The following NRXN3 variants were observed in gnomAD, a reference collection of about 807,000 sequenced individuals.
NRXN3 encodes neurexin 3.
NRXN3 carries 32 observed loss-of-function variants against 137.6 expected under a neutral mutation model. The ratio of observed to expected loss-of-function variants is 0.23; its 90% CI spans 0.18 to 0.31. The LOEUF is 0.31. NRXN3 is among the 10% of genes least tolerant of loss of function. NRXN3 has a pLI of 1.00. For synonymous variants in NRXN3, 798 were observed against 784.5 expected (o/e 1.02, Z -0.29); for missense variants, 1,574 against 2,062.5 (o/e 0.76, Z 4.59).
At chr14:78,656,819 G>A (rs868223351) in intron 6 of NRXN3, among the ~76,000 whole-genome samples, 5 of 152,148 alleles carry the variant, frequency 3.3e-5, no homozygotes, top group Non-Finnish European at 5.9e-5. Context: ...CAAGGTGGGC[G>A]GATCACGAGG....
At chr14:79,758,372 G>C (rs762758252) in intron 19 of NRXN3, among the ~76,000 whole-genome samples, 20 of 152,278 alleles carry the variant, frequency 1.3e-4, no homozygotes, top group Middle Eastern at 6.8e-3. Flanking sequence ...GAAGGGGAAG[G>C]AGAGCTATGT....
intron 15 of NRXN3, among the ~76,000 whole-genome samples, chr14:79,373,787 G>T (rs1300582954): frequency 6.6e-6 from 1 of 152,062 alleles, no homozygotes; most frequent in Non-Finnish European, 1.5e-5. Flanking sequence ...TATTTTTGGT[G>T]GTAGTGGTTT....
chr14:79,770,107 C>T lies in NRXN3; in HGVS notation c.4015-35005C>T, dbSNP rs545465040. On this transcript the variant is annotated intron_variant, in intron 19 of 20. Coordinates refer to ENST00000335750, the MANE Select transcript of NRXN3 (RefSeq NM_001330195.2). ...AATATATATGCACCCAATACAGGAG[C>T]ACCCAGATTCATAAAGCAAGTCCTG... Among the ~76,000 whole-genome samples, 173 of 151,524 alleles carry T rather than the reference C, an allele frequency of 1.1e-3. 1 individual carries two copies. The highest frequency in any genetic ancestry group is 3.4e-3 in the African/African-American group (142 of 41,380).
intron 4 of NRXN3, among the ~76,000 whole-genome samples, chr14:78,329,911 T>C (rs1272347383): frequency 6.6e-6 from 1 of 152,162 alleles, no homozygotes; most frequent in African/African-American, 2.4e-5. Context: ...GAAGGAACAC[T>C]GATAGTGATT....
In NRXN3 at chr14:78,730,967, T is replaced by C. The variant is rs891525308; in HGVS notation, c.2044+15828T>C. On this transcript the variant is annotated intron_variant, in intron 8 of 20. Coordinates refer to ENST00000335750, the MANE Select transcript of NRXN3 (RefSeq NM_001330195.2). ...ATGAGGCTGAGCAGAATTATTTCTT[T>C]GTAAATTTTCTTTTTCCCCTTTCTT... is the stretch of plus-strand genomic sequence containing the variant. Among the ~76,000 whole-genome samples the C allele has an allele frequency of 2.4e-4, 36 of 152,230 alleles. 1 individual carries two copies. The highest frequency in any genetic ancestry group is 2.4e-3 in the Admixed American group (36 of 15,280).
rs375251511 is a variant in NRXN3 at position 79,133,691 on chromosome 14, C to T, written c.3262+145550C>T. Among the ~76,000 whole-genome samples, 108 of 151,998 alleles carry T rather than the reference C, an allele frequency of 7.1e-4. No individual in the cohort carries two copies. The South Asian group carries it at 0.018, about 25-fold the overall frequency. Reference sequence around the variant, plus strand: ...CTGTAATCCCAGCACTTTGGGAGGCCGAGGCGGGTGGATCACGAGGTCAGG... The same window carrying T: ...CTGTAATCCCAGCACTTTGGGAGGCTGAGGCGGGTGGATCACGAGGTCAGG... On this transcript the variant is annotated intron_variant, in intron 15 of 20. Transcript: ENST00000335750.
At position 78,730,392 on chromosome 14, in the gene NRXN3, C is replaced by A. The variant is rs558394532; in HGVS notation, c.2044+15253C>A. On this transcript the variant is annotated intron_variant, in intron 8 of 20. Coordinates refer to ENST00000335750, the MANE Select transcript of NRXN3 (RefSeq NM_001330195.2). ...CTTTTTCCTGTTTCCTCTTCTTTAT[C>A]CCCCCTATTCTTCATTATTTTTTTC... is the stretch of plus-strand genomic sequence containing the variant. 1.2e-4 allele frequency among the ~76,000 whole-genome samples: 19 copies of A among 152,130 alleles called. 1 individual carries two copies. In the East Asian group the frequency reaches 3.7e-3, roughly 29 times the overall value.
At chr14:79,619,449 T>C (rs1238772190) in intron 16 of NRXN3, among the ~76,000 whole-genome samples, 1 of 152,118 alleles carries the variant, frequency 6.6e-6, no homozygotes, top group African/African-American at 2.4e-5. Context: ...CCAGCAATAT[T>C]TGTTGAATAG....
At chr14:78,352,255 G>T (rs1396213444) in intron 4 of NRXN3, among the ~76,000 whole-genome samples, 2 of 152,126 alleles carry the variant, frequency 1.3e-5, no homozygotes, top group Admixed American at 1.3e-4. Flanking sequence ...TCCTTTGAAA[G>T]CCAATTACCC....
chr14:79,470,685 C>T (rs2096488475), intron 16 of NRXN3, among the ~76,000 whole-genome samples: 1 of 152,136 alleles, frequency 6.6e-6, no homozygotes, highest in African/African-American at 2.4e-5. Flanking sequence ...TACCGATGTG[C>T]TTCAACAAGG....
intron 4 of NRXN3, among the ~76,000 whole-genome samples, chr14:78,543,853 A>G (rs2096614255): frequency 6.6e-6 from 1 of 152,178 alleles, no homozygotes. Flanking sequence ...GTAAAACAAC[A>G]AAAAAGTCAA....
At chr14:78,194,048 C>G (rs1290310542) in intron 1 of NRXN3, among the ~76,000 whole-genome samples, 1 of 152,202 alleles carries the variant, frequency 6.6e-6, no homozygotes, top group African/African-American at 2.4e-5. Flanking sequence ...TGTCTATACT[C>G]CATCTAGTCC....
intron 5 of NRXN3, among the ~76,000 whole-genome samples, chr14:78,650,187 C>T (rs1338067406): frequency 1.3e-5 from 2 of 151,826 alleles, no homozygotes; most frequent in African/African-American, 2.4e-5. Flanking sequence ...TCTTGTTCTT[C>T]GGTTTGTTCA....
Position 79,451,187 on chromosome 14 carries a change from A to T in NRXN3, c.3263-16034A>T, listed in dbSNP as rs189321162. Among the ~76,000 whole-genome samples, 1,072 of 151,452 alleles carry T rather than the reference A, an allele frequency of 7.1e-3. 12 individuals carry two copies. The highest frequency in any genetic ancestry group is 0.025 in the African/African-American group (1,044 of 41,338). On this transcript the variant is annotated intron_variant, in intron 15 of 20. Transcript: ENST00000335750. ...GAGGGAACAGAAAAAAAAAAAAAAA[A>T]GCTCAGGATATCACCACTATTTCTG...
intron 16 of NRXN3, among the ~76,000 whole-genome samples, chr14:79,647,095 A>G (rs891880663): frequency 2.9e-5 from 4 of 135,680 alleles, no homozygotes; most frequent in African/African-American, 7.4e-5. Context: ...CTATTTCTCA[A>G]TTGGCTTGGA....
chr14:78,918,285 CA>C (rs71454807), intron 10 of NRXN3, among the ~76,000 whole-genome samples: 202 of 34,652 alleles, frequency 5.8e-3, no homozygotes, highest in East Asian at 0.031. Flanking sequence ...AACTCCATCT[CA>C]AAAAAAAAAA....
intron 4 of NRXN3, among the ~76,000 whole-genome samples, chr14:78,515,755 T>C (rs2096195760): frequency 6.6e-6 from 1 of 151,908 alleles, no homozygotes; most frequent in African/African-American, 2.4e-5. Context: ...CTCTTGAGTG[T>C]AAAGATAATT....
chr14:78,810,618 T>G (rs570597341), intron 10 of NRXN3, among the ~76,000 whole-genome samples: 1 of 152,140 alleles, frequency 6.6e-6, no homozygotes, highest in African/African-American at 2.4e-5. Flanking sequence ...ACATGAATAA[T>G]GAAATAATGA....
chr14:79,805,746 TTTG>T (rs1265326625), intron 20 of NRXN3, among the ~76,000 whole-genome samples: 2 of 152,172 alleles, frequency 1.3e-5, no homozygotes, highest in African/African-American at 4.8e-5. Context: ...TTGTACTAAT[TTTG>T]TTAACTGTGT....
Sources: allele counts gnomAD v4.1 joint callset (sites outside exome capture counted in the v4.1 genomes callset), GRCh38; gene constraint gnomAD v4.1.1; transcripts MANE v1.5; gene names NCBI Gene and HGNC (gene_info 2026-07-23, HGNC 2026-07-21).